GALNT17: variants seen among roughly 807,000 people sequenced by gnomAD.
GALNT17 encodes polypeptide N-acetylgalactosaminyltransferase 17.
A neutral mutation model predicts 63.7 loss-of-function variants in GALNT17; 29 were observed. The ratio of observed to expected loss-of-function variants is 0.46; its 90% CI spans 0.34 to 0.62. GALNT17 has a LOEUF of 0.62. GALNT17 is among the 20% of genes least tolerant of loss of function. The probability of loss-of-function intolerance (pLI) is 0.01; values close to 1 mark genes in which losing one functional copy is unlikely to be tolerated. For synonymous variants in GALNT17, 305 were observed against 318.3 expected (o/e 0.96, Z 0.45); for missense variants, 603 against 799.6 (o/e 0.75, Z 2.97).
chr7:71,194,612 A>G (rs138725396), intron 1 of GALNT17, among the ~76,000 whole-genome samples: 8 of 152,360 alleles, frequency 5.3e-5, no homozygotes, highest in Non-Finnish European at 1.0e-4. Flanking sequence ...GCAGGGTGAC[A>G]GCCTGGGCCC....
chr7:71,336,420 A>G (rs9638622), intron 2 of GALNT17, among the ~76,000 whole-genome samples: 18,823 of 152,126 alleles, frequency 0.12, 1,456 homozygotes, highest in Middle Eastern at 0.24. Flanking sequence ...ATTGCATGTC[A>G]CAGGGGTTCA....
At chr7:71,287,610 A>T (rs1396388345) in intron 1 of GALNT17, among the ~76,000 whole-genome samples, 1 of 152,204 alleles carries the variant, frequency 6.6e-6, no homozygotes, top group South Asian at 2.1e-4. Flanking sequence ...TGACTCCTCC[A>T]AAAGGTAACT....
chr7:71,136,898 C>T lies in GALNT17; in HGVS notation c.238+3858C>T, dbSNP rs551469732. Among the ~76,000 whole-genome samples the T allele has an allele frequency of 2.0e-5, 3 of 152,088 alleles. No homozygotes were observed. The South Asian group carries it at 6.2e-4, about 32-fold the overall frequency. ...ACTTCCCCGGCTCAAGTGATCCTCC[C>T]ACCTCAGCCTCCCTAGTAGCAGGGA... On this transcript the variant is annotated intron_variant, in intron 1 of 10. Coordinates refer to ENST00000333538, the MANE Select transcript of GALNT17 (RefSeq NM_022479.3).
chr7:71,278,136 G>C (rs1243652619), intron 1 of GALNT17, among the ~76,000 whole-genome samples: 1 of 152,200 alleles, frequency 6.6e-6, no homozygotes, highest in East Asian at 1.9e-4. Flanking sequence ...AGGTCACTGT[G>C]TGTCAGTTAC....
intron 9 of GALNT17, among the ~76,000 whole-genome samples, chr7:71,687,018 C>T (rs952408070): frequency 3.3e-5 from 5 of 152,134 alleles, no homozygotes; most frequent in African/African-American, 1.2e-4. Context: ...AGGTGTCAAG[C>T]TCTGTTCCCA....
intron 6 of GALNT17, among the ~76,000 whole-genome samples, chr7:71,633,183 A>T (rs1562717264): frequency 1.3e-5 from 2 of 151,956 alleles, no homozygotes. Context: ...TTCACAGAGA[A>T]TGGCACTGGG....
intron 2 of GALNT17, among the ~76,000 whole-genome samples, chr7:71,348,027 G>C (rs767280887): frequency 6.6e-6 from 1 of 152,236 alleles, no homozygotes; most frequent in African/African-American, 2.4e-5. Context: ...TTGGGAGGCC[G>C]AGGTGGGTGG....
chr7:71,696,495 A>G (rs1791547998), intron 9 of GALNT17, among the ~76,000 whole-genome samples: 1 of 152,188 alleles, frequency 6.6e-6, no homozygotes, highest in Admixed American at 6.5e-5. Context: ...CTCTAATAGG[A>G]AAGCAATTGC....
intron 2 of GALNT17, among the ~76,000 whole-genome samples, chr7:71,381,042 TC>T (rs1386165518): frequency 2.6e-5 from 4 of 151,316 alleles, no homozygotes; most frequent in African/African-American, 9.7e-5. Flanking sequence ...CTCACTGCAA[TC>T]TCTGCCTCCC....
intron 2 of GALNT17, among the ~76,000 whole-genome samples, chr7:71,362,210 G>A (rs778991383): frequency 1.3e-5 from 2 of 152,052 alleles, no homozygotes; most frequent in Non-Finnish European, 2.9e-5. Context: ...CACTTGCCTC[G>A]GCCTCCCAAA....
intron 6 of GALNT17, among the ~76,000 whole-genome samples, chr7:71,602,117 T>C (rs1789974927): frequency 6.6e-6 from 1 of 152,242 alleles, no homozygotes; most frequent in South Asian, 2.1e-4. Context: ...AACTGACTTC[T>C]TTCTTGTCCT....
chr7:71,445,786 C>T (rs993628186), intron 5 of GALNT17, among the ~76,000 whole-genome samples: 2 of 152,236 alleles, frequency 1.3e-5, no homozygotes, highest in African/African-American at 2.4e-5. Context: ...GGACCTTGGG[C>T]GGGAAGCTGG....
chr7:71,365,279 T>C (rs138586765), intron 2 of GALNT17, among the ~76,000 whole-genome samples: 168 of 151,830 alleles, frequency 1.1e-3, no homozygotes, highest in African/African-American at 3.9e-3. Context: ...CTCGCTCTGC[T>C]GCCAGGGTGG....
chr7:71,427,964 C>G (rs1786790383), intron 5 of GALNT17, among the ~76,000 whole-genome samples: 1 of 152,152 alleles, frequency 6.6e-6, no homozygotes, highest in African/African-American at 2.4e-5. Flanking sequence ...ACCATCCCCA[C>G]CCACCACCCT....
intron 3 of GALNT17, among the ~76,000 whole-genome samples, chr7:71,399,910 A>G (rs962779041): frequency 6.6e-6 from 1 of 152,206 alleles, no homozygotes; most frequent in African/African-American, 2.4e-5. Flanking sequence ...TATATTTTTT[A>G]GAGGTTTGCC....
chr7:71,151,654 A>C (rs989043945), intron 1 of GALNT17, among the ~76,000 whole-genome samples: 3 of 151,558 alleles, frequency 2.0e-5, no homozygotes, highest in Non-Finnish European at 4.4e-5. Context: ...AAAAGAAAAT[A>C]GCCTTGTTTC....
chr7:71,323,991 G>T (rs566958737), intron 1 of GALNT17, among the ~76,000 whole-genome samples: 1 of 152,096 alleles, frequency 6.6e-6, no homozygotes, highest in South Asian at 2.1e-4. Context: ...AAGGATTTCC[G>T]GGGCTCTGTT....
intron 5 of GALNT17, among the ~76,000 whole-genome samples, chr7:71,554,669 A>C (rs1789133927): frequency 6.6e-6 from 1 of 152,202 alleles, no homozygotes; most frequent in Non-Finnish European, 1.5e-5. Context: ...CTCCCGCCAG[A>C]GTGCTAGGCA....
intron 8 of GALNT17, among the ~76,000 whole-genome samples, chr7:71,673,743 T>C (rs1791105869): frequency 6.6e-6 from 1 of 152,216 alleles, no homozygotes; most frequent in African/African-American, 2.4e-5. Context: ...GCCTTCCAAG[T>C]AGCTGGGACT....
Sources: allele counts gnomAD v4.1 joint callset (sites outside exome capture counted in the v4.1 genomes callset), GRCh38; gene constraint gnomAD v4.1.1; transcripts MANE v1.5; gene names NCBI Gene and HGNC (gene_info 2026-07-23, HGNC 2026-07-21).